STRC: variants seen among roughly 807,000 people sequenced by gnomAD.
STRC encodes stereocilin.
Under a neutral mutation model 103.5 loss-of-function variants are expected in STRC, and 43 were observed. That is an observed-to-expected ratio of 0.42 (90% CI 0.33 to 0.54). The LOEUF is 0.54. Ranked by LOEUF, STRC falls within the 20% of genes least tolerant of loss-of-function variation. STRC has a pLI of 0.14. For synonymous variants in STRC, 186 were observed against 442.3 expected, an observed-to-expected ratio of 0.42 and a Z score of 7.27; for missense variants, 499 against 1,088.5, an observed-to-expected ratio of 0.46 and a Z score of 7.62.
rs2085689886 is a variant in STRC at position 43,603,589 on chromosome 15, G to A, written c.4376-178C>T. 6.7e-6 allele frequency: 5 copies of A among 740,852 alleles called. 1 individual carries two copies. The allele number at this position is 740,852 out of a possible 1,614,324, so 45.9% of individuals were successfully genotyped here. A position where few individuals can be genotyped will look rare whatever the true frequency, so the allele number is the denominator to read the frequency against. On this transcript the variant is annotated intron_variant, in intron 22 of 28. Coordinates refer to ENST00000450892, the MANE Select transcript of STRC (RefSeq NM_153700.2). ...CTTAGGAGATAATAGAACAAGAAGT[G>A]ATTGGAGATGCCAAGACTTTTATAG...
At chr15:43,609,450 C>T in intron 15 of STRC, 116 bp from the exon 16 acceptor site, 1 of 899,638 alleles carries the variant, frequency 1.1e-6, no homozygotes, top group South Asian at 1.4e-5. Context: ...CTCTGTGGGA[C>T]CCACCAGCCT....
At chr15:43,603,923 C>G in intron 22 of STRC, 73 bp downstream of exon 22, 1 of 1,608,386 alleles carries the variant, frequency 6.2e-7, no homozygotes, top group Non-Finnish European at 8.5e-7. Context: ...CAGGGAAGAG[C>G]ACATGTAGAA....
chr15:43,601,910 A>T (rs1360369172), intron 23 of STRC, among the ~76,000 whole-genome samples: 1 of 151,696 alleles, frequency 6.6e-6, no homozygotes, highest in Non-Finnish European at 1.5e-5. Context: ...GCTTGAGCCC[A>T]GAAGTTCGAG....
In STRC at chr15:43,605,380, G is replaced by A. The variant is rs1023159604; in HGVS notation, c.3814C>T (p.Leu1272=). 6 of 1,601,510 alleles carry A rather than the reference G, an allele frequency of 3.7e-6. No individual in the cohort carries two copies. The highest frequency in any genetic ancestry group is 5.1e-6 in the Non-Finnish European group (6 of 1,173,056). Residue 1272 remains leucine (L), a synonymous_variant, in exon 19 of 29, where the codon CTA becomes TTA. Coordinates refer to ENST00000450892, the MANE Select transcript of STRC (RefSeq NM_153700.2). The part of the protein sequence containing the change: ...LDLPIQLMDR[L]SNESIMLVVE... ...ACCAACATAATGGATTCATTGGATAGTCTGTCCATCAACTGGATCCTATTA... is the reference window on the plus strand; with the variant it reads ...ACCAACATAATGGATTCATTGGATAATCTGTCCATCAACTGGATCCTATTA...
intron 23 of STRC, 62 bp from the exon 24 acceptor site, chr15:43,601,613 G>A: frequency 1.3e-6 from 2 of 1,569,288 alleles, no homozygotes; most frequent in South Asian, 2.2e-5. Flanking sequence ...ATACTGCTGG[G>A]TTTTAAGTCT....
chr15:43,603,998 G>C lies in STRC; in HGVS notation c.4373C>G (p.Pro1458Arg), dbSNP rs755212662. ...GVVRPAAEDL[P>R]EPVPNCADVR... ...TATAAGTATTTGGGTAGTTTCACCTGGAAGATCCTCAGCAGCTGGTCGCAC... is the reference window on the plus strand; with the variant it reads ...TATAAGTATTTGGGTAGTTTCACCTCGAAGATCCTCAGCAGCTGGTCGCAC... Residue 1458 changes from proline to arginine, a missense_variant and splice_region_variant, in exon 22 of 29, where the codon CCA becomes CGA. Coordinates refer to ENST00000450892, the MANE Select transcript of STRC (RefSeq NM_153700.2). The C allele has an allele frequency of 3.8e-5, 62 of 1,612,864 alleles. 1 individual carries two copies. The South Asian group carries it at 6.5e-4, about 17-fold the overall frequency.
At chr15:43,603,479 A>T in intron 22 of STRC, 68 bp from the exon 23 acceptor site, 1 of 1,526,610 alleles carries the variant, frequency 6.6e-7, no homozygotes, top group Non-Finnish European at 9.0e-7. Flanking sequence ...ATATCTGTAG[A>T]TAGAGTGAGT....
Position 43,603,408 on chromosome 15 carries a change from G to A in STRC, c.4379C>T (p.Pro1460Leu), listed in dbSNP as rs371065440. The change falls in exon 23 of 29, where the codon CCT becomes CTT. Residue 1460 changes from proline to leucine, a missense_variant. Transcript: ENST00000450892. Reference protein sequence around the residue: ...VRPAAEDLPEPVPNCADVRGT... With the variant: ...VRPAAEDLPELVPNCADVRGT... ...TCGTACATCTGCACAATTTGGCACA[G>A]GTTCTGAAGGGGGAAGGCAGGGCCA... 5 of 1,613,228 alleles carry A rather than the reference G, an allele frequency of 3.1e-6. No homozygotes were observed. In the East Asian group the frequency reaches 6.7e-5, roughly 22 times the overall value.
chr15:43,604,602 G>A, intron 20 of STRC, 48 bp downstream of exon 20: 1 of 1,613,014 alleles, frequency 6.2e-7, no homozygotes, highest in Non-Finnish European at 8.5e-7. Flanking sequence ...GTGGCTGAGG[G>A]ACTGGGTATA....
rs1595959558 is a variant in STRC at position 43,605,455 on chromosome 15, A to C, written c.3795-56T>G. 71 of 1,561,342 alleles carry C rather than the reference A, an allele frequency of 4.5e-5. No homozygotes were observed. The East Asian group carries it at 1.7e-3, about 37-fold the overall frequency. On this transcript the variant is annotated intron_variant, in intron 18 of 28. Transcript: ENST00000450892. ...CAGGTGGAGCTGGGCCAAGTCGAGA[A>C]GGGACCACAAAACCCCACAGTCCGC...
chr15:43,600,390 A>G lies in STRC; in HGVS notation c.4994-97T>C, dbSNP rs889950666. 5.0e-5 allele frequency: 62 copies of G among 1,242,676 alleles called. 1 individual carries two copies. The highest frequency in any genetic ancestry group is 6.9e-5 in the Non-Finnish European group (60 of 865,056). The allele number at this position is 1,242,676 out of a possible 1,614,324, so 77.0% of individuals were successfully genotyped here. A position where few individuals can be genotyped will look rare whatever the true frequency, so the allele number is the denominator to read the frequency against. The stretch of plus-strand genomic sequence containing the variant: ...CTAACTACTCCCAAAGTGCCCTATC[A>G]TAGACCTTCCCCAATATGTCTCTAG... On this transcript the variant is annotated intron_variant, in intron 26 of 28. Transcript: ENST00000450892.
intron 20 of STRC, 89 bp from the exon 21 acceptor site, chr15:43,604,540 C>A (rs1247963368): frequency 6.2e-7 from 1 of 1,609,696 alleles, no homozygotes; most frequent in Non-Finnish European, 8.5e-7. Context: ...GGATTTCGGA[C>A]ACAGGGCTCC....
chr15:43,612,801 GCTC>G lies in STRC; in HGVS notation c.2770_2772del (p.Glu924del), dbSNP rs1171055162. On this transcript the variant is annotated inframe_deletion, in exon 9 of 29. Coordinates refer to ENST00000450892, the MANE Select transcript of STRC (RefSeq NM_153700.2). The stretch of plus-strand genomic sequence containing the variant: ...CCCACAACAACTCACCTGCGTACCT[GCTC>G]CTCACCATCCTGGACACTCTGGTTT... 1.2e-4 allele frequency: 3 copies of G among 25,448 alleles called. No individual in the cohort carries two copies. The highest frequency in any genetic ancestry group is 1.4e-4 in the Non-Finnish European group (2 of 14,404). The allele number at this position is 25,448 out of a possible 1,614,324, so 1.6% of individuals were successfully genotyped here.
At chr15:43,607,109 T>C (rs1442360146) in intron 18 of STRC, among the ~76,000 whole-genome samples, 1 of 146,624 alleles carries the variant, frequency 6.8e-6, no homozygotes, top group Non-Finnish European at 1.5e-5. Flanking sequence ...CATTTTCCTA[T>C]CCTGACTTAC....
rs1481305596 is a variant in STRC, at chr15:43,600,926, G to A, written c.4790C>T (p.Thr1597Ile). Residue 1597 changes from threonine (T) to isoleucine (I), a missense_variant, in exon 25 of 29, where the codon ACT becomes ATT. Thr to Ile is a moderately conservative substitution (Grantham distance 89). Transcript: ENST00000450892. ...DFVHLTALGY[T>I]LCGLRPEELQ... ...CTCCTCTGGCCGCAGTCCACAGAGA[G>A]TATAACCCAGCGCTGTCAGATGAAC... The A allele has an allele frequency of 6.2e-7, 1 of 1,609,470 alleles. No homozygotes were observed. The highest frequency in any genetic ancestry group is 1.4e-5 in the African/African-American group (1 of 73,830).
chr15:43,601,647 C>T, intron 23 of STRC, 96 bp from the exon 24 acceptor site: 1 of 1,309,384 alleles, frequency 7.6e-7, no homozygotes, highest in East Asian at 2.4e-5. Context: ...AGCTGTATAA[C>T]TCTAGGTAAA....
rs779609553 is a variant in STRC, at chr15:43,609,236, T to C, written c.3557+40A>G. The C allele has an allele frequency of 6.2e-6, 10 of 1,600,524 alleles. 1 individual carries two copies. The Middle Eastern group carries it at 5.0e-4, about 80-fold the overall frequency. ...CACATAGTAAGCACTCAAAAAAATG[T>C]TGGTCGAATTCAGCGCACTGCTCAA... On this transcript the variant is annotated intron_variant, in intron 16 of 28. Transcript: ENST00000450892.
intron 25 of STRC, 92 bp from the exon 26 acceptor site, chr15:43,600,774 T>C: frequency 1.9e-6 from 3 of 1,612,234 alleles, no homozygotes; most frequent in Non-Finnish European, 2.5e-6. Context: ...TTCAAATGAG[T>C]TCCCTTCCTC....
chr15:43,602,995 C>A (rs752279891), intron 23 of STRC, among the ~76,000 whole-genome samples: 3 of 151,916 alleles, frequency 2.0e-5, no homozygotes, highest in Admixed American at 2.0e-4. Context: ...AGAAAAAAAT[C>A]TGTTCCCTTG....
Sources: allele counts gnomAD v4.1 joint callset (sites outside exome capture counted in the v4.1 genomes callset), GRCh38; gene constraint gnomAD v4.1.1; transcripts MANE v1.5; gene names NCBI Gene and HGNC (gene_info 2026-07-23, HGNC 2026-07-21).